Variants in MAPRE2 observed in about 807,000 individuals in gnomAD.
MAPRE2 encodes microtubule associated protein RP/EB family member 2.
MAPRE2 carries 13 observed loss-of-function variants against 43.2 expected under a neutral mutation model. The observed-to-expected ratio is 0.30, with a 90% CI of 0.20 to 0.48. The LOEUF (loss-of-function observed/expected upper bound fraction) is 0.48, where lower values mean the gene tolerates loss of function less well. MAPRE2 is among the 20% of genes least tolerant of loss of function. The pLI, the probability that MAPRE2 is intolerant of heterozygous loss-of-function variation, is 0.99. For synonymous variants in MAPRE2, 135 were observed against 148.8 expected, an observed-to-expected ratio of 0.91 and a Z score of 0.68; for missense variants, 161 against 400.2, an observed-to-expected ratio of 0.40 and a Z score of 5.10.
intron 1 of MAPRE2, among the ~76,000 whole-genome samples, chr18:34,986,540 C>T (rs892226533): frequency 6.6e-6 from 1 of 152,150 alleles, no homozygotes; most frequent in East Asian, 1.9e-4. Flanking sequence ...AGCTTGCCCT[C>T]TATTGTGATT....
At chr18:35,107,478 C>T (rs994481037) in intron 4 of MAPRE2, among the ~76,000 whole-genome samples, 1 of 151,280 alleles carries the variant, frequency 6.6e-6, no homozygotes, top group African/African-American at 2.4e-5. Flanking sequence ...AAGTACTCAT[C>T]ACCTCTCACC....
chr18:35,081,777 C>T (rs1433436856), intron 2 of MAPRE2, among the ~76,000 whole-genome samples: 6 of 151,892 alleles, frequency 4.0e-5, no homozygotes, highest in African/African-American at 1.2e-4. Context: ...ATTGTGTAGA[C>T]GTGGACCGTG....
At chr18:35,041,157 T>A (rs1407933458), upstream of MAPRE2, among the ~76,000 whole-genome samples, 2 of 152,220 alleles carry the variant, frequency 1.3e-5, no homozygotes, top group African/African-American at 4.8e-5. Context: ...GAGCTGGTTT[T>A]CAGACAAGGC....
intron 1 of MAPRE2, among the ~76,000 whole-genome samples, chr18:35,042,520 C>T (rs1905420216): frequency 6.6e-6 from 1 of 152,068 alleles, no homozygotes; most frequent in South Asian, 2.1e-4. Flanking sequence ...AGTAGATAAG[C>T]TCATTAAAAT....
chr18:35,093,767 G>A (rs562567932), intron 2 of MAPRE2, among the ~76,000 whole-genome samples: 4 of 152,286 alleles, frequency 2.6e-5, no homozygotes, highest in African/African-American at 9.6e-5. Flanking sequence ...CTGGAAAGGG[G>A]AAAGCAGAGG....
chr18:35,121,274 G>C (rs997274970), intron 4 of MAPRE2, among the ~76,000 whole-genome samples: 1 of 152,040 alleles, frequency 6.6e-6, no homozygotes, highest in Non-Finnish European at 1.5e-5. Context: ...TAATGCCCTG[G>C]CTTCACTAAG....
chr18:35,020,642 G>A (rs531885008), intron 2 of MAPRE2, among the ~76,000 whole-genome samples: 1 of 151,836 alleles, frequency 6.6e-6, no homozygotes, highest in Non-Finnish European at 1.5e-5. Flanking sequence ...CTGTAAAGGT[G>A]TCTTCGAATA....
chr18:35,092,989 A>G (rs1040838605), intron 2 of MAPRE2, among the ~76,000 whole-genome samples: 2 of 152,140 alleles, frequency 1.3e-5, no homozygotes, highest in African/African-American at 4.8e-5. Flanking sequence ...AGGTGGGCAG[A>G]TCACTTGAGG....
rs978949984 is a variant in MAPRE2, at chr18:35,088,516, G to A, written c.251-8930G>A. 7.2e-5 allele frequency among the ~76,000 whole-genome samples: 11 copies of A among 152,326 alleles called. No homozygotes were observed. The South Asian group carries it at 2.1e-3, about 29-fold the overall frequency. ...AAAACCACTGTGATATTCTTAGCAG[G>A]AGAGGGATGTGATCTGAATAAGGGT... On this transcript the variant is annotated intron_variant, in intron 2 of 6. Transcript: ENST00000300249.
At chr18:35,132,268 G>A (rs910896462) in intron 6 of MAPRE2, 78 bp downstream of exon 6, 4 of 1,360,670 alleles carry the variant, frequency 2.9e-6, no homozygotes, top group Non-Finnish European at 4.1e-6. Flanking sequence ...GCACTCCTTA[G>A]AATACTTCCC....
intron 1 of MAPRE2, among the ~76,000 whole-genome samples, chr18:34,993,300 G>A (rs1177878596): frequency 1.6e-5 from 2 of 126,658 alleles, no homozygotes; most frequent in Non-Finnish European, 3.3e-5. Context: ...GCAAGGTCAT[G>A]TTTTGTTGCC....
intron 1 of MAPRE2, among the ~76,000 whole-genome samples, chr18:34,982,893 A>G (rs1489464908): frequency 6.6e-6 from 1 of 152,208 alleles, no homozygotes; most frequent in Admixed American, 6.5e-5. Flanking sequence ...CAAAGAAGAA[A>G]ATACTAGAGG....
At chr18:35,130,102 C>T (rs1242571511) in intron 5 of MAPRE2, among the ~76,000 whole-genome samples, 1 of 151,860 alleles carries the variant, frequency 6.6e-6, no homozygotes, top group African/African-American at 2.4e-5. Context: ...GGGAGCCAGA[C>T]AGACCTATTT....
At chr18:35,059,749 A>T (rs183720640) in intron 1 of MAPRE2, among the ~76,000 whole-genome samples, 260 of 152,286 alleles carry the variant, frequency 1.7e-3, no homozygotes, top group African/African-American at 5.5e-3. Flanking sequence ...GAAGCATGAG[A>T]TGCAGCCAAC....
rs1357895619 is a variant in MAPRE2, at chr18:35,005,597, ATTAAT to A, written c.-8+49_-8+53del. 4.7e-6 allele frequency: 6 copies of A among 1,268,890 alleles called. No individual in the cohort carries two copies. In the African/African-American group the frequency reaches 9.0e-5, roughly 19 times the overall value. 78.6% of individuals were successfully genotyped at this position (1,268,890 alleles called of 1,614,324 possible). A position where few individuals can be genotyped will look rare whatever the true frequency, so the allele number is the denominator to read the frequency against. On this transcript the variant is annotated intron_variant, in intron 2 of 7. Transcript: ENST00000413393. ...ACGTTGCATGACTCCTTGCTTAAAA[ATTAAT>A]TTAAAGTGAGTAGTAATATTGTCAT... is the stretch of plus-strand genomic sequence containing the variant.
intron 4 of MAPRE2, among the ~76,000 whole-genome samples, chr18:35,126,521 T>C (rs1909909328): frequency 6.6e-6 from 1 of 152,190 alleles, no homozygotes; most frequent in African/African-American, 2.4e-5. Context: ...GAGAAAAAAA[T>C]ACATTTGGAT....
chr18:35,097,612 T>A (rs771541717), intron 3 of MAPRE2, 21 bp downstream of exon 3: 2 of 1,593,136 alleles, frequency 1.3e-6, no homozygotes, highest in East Asian at 4.5e-5. Flanking sequence ...TGTACCTCCA[T>A]AAAATGTGTT....
intron 1 of MAPRE2, among the ~76,000 whole-genome samples, chr18:34,977,491 C>G (rs1305768003): frequency 6.6e-6 from 1 of 152,214 alleles, no homozygotes; most frequent in Non-Finnish European, 1.5e-5. Context: ...GGCGCACGAC[C>G]CTCCAGGCTC....
chr18:35,050,489 T>C (rs187593409), intron 1 of MAPRE2, among the ~76,000 whole-genome samples: 37 of 152,326 alleles, frequency 2.4e-4, no homozygotes, highest in African/African-American at 8.4e-4. Flanking sequence ...TTCTCCAGAG[T>C]ACATTGAAGC....
Sources: gnomAD v4.1 joint callset for allele counts (sites outside exome capture counted in the v4.1 genomes callset) on GRCh38, gnomAD v4.1.1 for gene constraint, MANE v1.5 for transcripts, NCBI Gene and HGNC (gene_info 2026-07-23, HGNC 2026-07-21) for gene names.